The following FOLH1 variants were observed in gnomAD, a reference collection of about 807,000 sequenced individuals.
FOLH1 encodes glutamate carboxypeptidase 2.
Under a neutral mutation model 93.9 loss-of-function variants are expected in FOLH1, and 54 were observed. The observed-to-expected ratio is 0.57, with a 90% CI of 0.46 to 0.72. The LOEUF is 0.72. Ranked by LOEUF, FOLH1 falls within the 30% of genes least tolerant of loss-of-function variation. The probability of loss-of-function intolerance (pLI) is 0.00; values close to 1 mark genes in which losing one functional copy is unlikely to be tolerated. For missense variants in FOLH1, 571 were observed against 892.5 expected (o/e 0.64, Z 4.59); for synonymous variants, 249 against 303.6 (o/e 0.82, Z 1.87).
At chr11:49,181,556 C>G (rs1860742338) in intron 7 of FOLH1, among the ~76,000 whole-genome samples, 1 of 151,932 alleles carries the variant, frequency 6.6e-6, no homozygotes, top group Non-Finnish European at 1.5e-5. Flanking sequence ...ACTTCATTTA[C>G]TATCAGAGTA....
At position 49,207,948 on chromosome 11, in the gene FOLH1, C is replaced by CAAAACAAAACA. The variant is rs111891603; in HGVS notation, c.118+343_118+344insTGTTTTGTTTT. ...ACAGAGAGGTAAAAAAACAAACAAA[C>CAAAACAAAACA]AAACAAAACAAAACAAAACAAAACA... On this transcript the variant is annotated intron_variant, in intron 1 of 18. Transcript: ENST00000256999. 87 of 496,492 alleles carry CAAAACAAAACA rather than the reference C, an allele frequency of 1.8e-4. 1 individual carries two copies. The highest frequency in any genetic ancestry group is 1.2e-3 in the African/African-American group (59 of 47,794). The allele number at this position is 496,492 out of a possible 1,614,324, so 30.8% of individuals were successfully genotyped here.
At chr11:49,203,621 T>C (rs1305655039) in intron 2 of FOLH1, among the ~76,000 whole-genome samples, 1 of 152,340 alleles carries the variant, frequency 6.6e-6, no homozygotes, top group East Asian at 1.9e-4. Context: ...TTCTTTCTTT[T>C]GTGTGTTTAT....
At chr11:49,157,257 T>C (rs1166892977) in intron 14 of FOLH1, among the ~76,000 whole-genome samples, 1 of 151,970 alleles carries the variant, frequency 6.6e-6, no homozygotes, top group Non-Finnish European at 1.5e-5. Context: ...AATGTTGAAA[T>C]GATGCTTGCA....
chr11:49,153,467 G>C (rs1047186656), intron 17 of FOLH1, among the ~76,000 whole-genome samples: 1 of 151,684 alleles, frequency 6.6e-6, no homozygotes, highest in Non-Finnish European at 1.5e-5. Flanking sequence ...GAAACAGCTG[G>C]GGTCACACAG....
At chr11:49,193,797 G>A (rs575937691) in intron 3 of FOLH1, among the ~76,000 whole-genome samples, 1 of 152,264 alleles carries the variant, frequency 6.6e-6, no homozygotes, top group South Asian at 2.1e-4. Flanking sequence ...AAAGGATTCA[G>A]GAGTTAGTTT....
At chr11:49,165,568 C>T (rs1252555507) in intron 12 of FOLH1, among the ~76,000 whole-genome samples, 7 of 152,122 alleles carry the variant, frequency 4.6e-5, no homozygotes, top group Non-Finnish European at 8.8e-5. Context: ...GACAAATTCA[C>T]AAACTTGGAG....
intron 4 of FOLH1, among the ~76,000 whole-genome samples, chr11:49,189,529 GAATT>G (rs1861791831): frequency 1.3e-5 from 2 of 152,108 alleles, no homozygotes; most frequent in African/African-American, 4.8e-5. Context: ...ACTCACAATG[GAATT>G]AAGTCTTACT....
chr11:49,172,028 G>A (rs1025868583), intron 10 of FOLH1, among the ~76,000 whole-genome samples: 1 of 152,148 alleles, frequency 6.6e-6, no homozygotes, highest in Non-Finnish European at 1.5e-5. Context: ...AAAGCACTGA[G>A]TAGGTGCTTT....
chr11:49,207,814 A>T lies in FOLH1; in HGVS notation c.118+478T>A, dbSNP rs1398932739. On this transcript the variant is annotated intron_variant, in intron 1 of 18. Coordinates refer to ENST00000256999, the MANE Select transcript of FOLH1 (RefSeq NM_004476.3). ...AGTTGGATCAAGTCTGCAAATCAGTACCCAGGAAAAACAGCAAAAGACCCG... is the reference window on the plus strand; with the variant it reads ...AGTTGGATCAAGTCTGCAAATCAGTTCCCAGGAAAAACAGCAAAAGACCCG... 14 of 450,866 alleles carry T rather than the reference A, an allele frequency of 3.1e-5. No individual in the cohort carries two copies. The East Asian group carries it at 9.0e-4, about 29-fold the overall frequency. 27.9% of individuals were successfully genotyped at this position (450,866 alleles called of 1,614,324 possible). A position where few individuals can be genotyped will look rare whatever the true frequency, so the allele number is the denominator to read the frequency against.
chr11:49,154,749 C>G (rs1021105521), intron 15 of FOLH1, among the ~76,000 whole-genome samples: 1 of 151,780 alleles, frequency 6.6e-6, no homozygotes, highest in Non-Finnish European at 1.5e-5. Flanking sequence ...ACTGGCTTGC[C>G]TCTAAGAATG....
chr11:49,180,588 T>C (rs1860606789), intron 7 of FOLH1, among the ~76,000 whole-genome samples: 2 of 152,318 alleles, frequency 1.3e-5, no homozygotes, highest in Middle Eastern at 3.4e-3. Flanking sequence ...TGTAAAACAC[T>C]GTCTTTTCTA....
In FOLH1 at chr11:49,208,279, G is replaced by A; in HGVS notation, c.118+13C>T. 1 of 1,522,212 alleles carries A rather than the reference G, an allele frequency of 6.6e-7. No individual in the cohort carries two copies. The highest frequency in any genetic ancestry group is 8.9e-7 in the Non-Finnish European group (1 of 1,125,714). 94.3% of individuals were successfully genotyped at this position (1,522,212 alleles called of 1,614,324 possible). On this transcript the variant is annotated intron_variant, in intron 1 of 18. Coordinates refer to ENST00000256999, the MANE Select transcript of FOLH1 (RefSeq NM_004476.3). ...GAAGACTCCGAGGTTTGCTCCGCGA[G>A]GCGCCCCCCTACCGAAGAGGAAGCC... is the stretch of plus-strand genomic sequence containing the variant.
Position 49,200,182 on chromosome 11 carries a change from T to C in FOLH1, c.411+73A>G, listed in dbSNP as rs1270742328. On this transcript the variant is annotated intron_variant, in intron 3 of 18. Coordinates refer to ENST00000256999, the MANE Select transcript of FOLH1 (RefSeq NM_004476.3). The stretch of plus-strand genomic sequence containing the variant: ...TAATATTTAGAGATGGGATAGAACA[T>C]TATTTCATAGAAGGTATTTGAAAAA... 2.4e-6 allele frequency: 3 copies of C among 1,255,894 alleles called. No individual in the cohort carries two copies. In the East Asian group the frequency reaches 7.7e-5, roughly 32 times the overall value. The allele number at this position is 1,255,894 out of a possible 1,614,324, so 77.8% of individuals were successfully genotyped here.
chr11:49,192,820 A>T lies in FOLH1; in HGVS notation c.486T>A (p.Ser162Arg). 6.2e-7 allele frequency: 1 copy of T among 1,608,052 alleles called. No homozygotes were observed. Among genetic ancestry groups the T allele is most frequent in the Non-Finnish European group, 8.5e-7 (1 of 1,176,646 alleles). The change falls in exon 4 of 19, where the codon AGT becomes AGA. Residue 162 changes from serine (S) to arginine (R), a missense_variant. Transcript: ENST00000256999. ...CTGGCATTCCTTGAGGAGAGAAAGC[A>T]CTGAAAGGTGGTACAATATCCGAAA... ...ENVSDIVPPFSAFSPQGMPEG... is the reference protein window; with the variant it reads ...ENVSDIVPPFRAFSPQGMPEG...
At chr11:49,160,128 A>C (rs1857526590) in intron 13 of FOLH1, among the ~76,000 whole-genome samples, 1 of 151,778 alleles carries the variant, frequency 6.6e-6, no homozygotes, top group Non-Finnish European at 1.5e-5. Context: ...AGGTGTTTAT[A>C]ATGTTCTCTG....
chr11:49,153,661 T>A (rs1292962171), intron 17 of FOLH1, among the ~76,000 whole-genome samples, 185 bp downstream of exon 17: 1 of 152,094 alleles, frequency 6.6e-6, no homozygotes, highest in Non-Finnish European at 1.5e-5. Context: ...ACGACACTTG[T>A]ATACCTATGT....
intron 7 of FOLH1, among the ~76,000 whole-genome samples, chr11:49,180,914 A>G (rs1333261389): frequency 6.6e-6 from 1 of 152,174 alleles, no homozygotes; most frequent in Non-Finnish European, 1.5e-5. Context: ...AGGCTGACAC[A>G]GTAATGTCAG....
chr11:49,158,877 T>C (rs555511632), intron 13 of FOLH1, among the ~76,000 whole-genome samples: 2 of 152,200 alleles, frequency 1.3e-5, no homozygotes, highest in East Asian at 3.9e-4. Context: ...CATAGGTATT[T>C]TGTTCATTTT....
At chr11:49,176,285 T>C (rs554804975) in intron 7 of FOLH1, among the ~76,000 whole-genome samples, 1 of 152,326 alleles carries the variant, frequency 6.6e-6, no homozygotes, top group African/African-American at 2.4e-5. Context: ...GAGCATGTGC[T>C]GAAGAAAGAG....
Sources: allele counts gnomAD v4.1 joint callset (sites outside exome capture counted in the v4.1 genomes callset), GRCh38; gene constraint gnomAD v4.1.1; transcripts MANE v1.5; gene names NCBI Gene and HGNC (gene_info 2026-07-23, HGNC 2026-07-21).